The following GLIS3 variants were observed in gnomAD, a reference collection of about 807,000 sequenced individuals.
GLIS3 encodes the protein GLIS family zinc finger 3.
A neutral mutation model predicts 78.6 loss-of-function variants in GLIS3; 53 were observed. The observed-to-expected ratio is 0.67, with a 90% CI of 0.54 to 0.85. The LOEUF (loss-of-function observed/expected upper bound fraction) is 0.85. Among genes scored for constraint, GLIS3 ranks in the 40% least tolerant of loss-of-function variants. The probability of loss-of-function intolerance (pLI) is 0.00; values close to 1 mark genes in which losing one functional copy is unlikely to be tolerated. For missense variants in GLIS3, 1,703 were observed against 1,231.1 expected, an observed-to-expected ratio of 1.38 and a Z score of -5.74; for synonymous variants, 684 against 509.9, an observed-to-expected ratio of 1.34 and a Z score of -4.60.
chr9:4,364,114 C>T, the GLIS3 span, among the ~76,000 whole-genome samples: 1 of 152,160 alleles, frequency 6.6e-6, no homozygotes, highest in Non-Finnish European at 1.5e-5. Flanking sequence ...AAAGCCTGTC[C>T]TTCAGCTGAA....
chr9:4,397,627 A>G, the GLIS3 span, among the ~76,000 whole-genome samples: 10 of 144,056 alleles, frequency 6.9e-5, no homozygotes, highest in African/African-American at 1.4e-4. Context: ...ATAAAAGAAG[A>G]AAGGAAGGAA....
chr9:4,336,501 G>T (rs1817759670), intron 2 of GLIS3, among the ~76,000 whole-genome samples: 2 of 26,396 alleles, frequency 7.6e-5, no homozygotes, highest in South Asian at 2.9e-3. Flanking sequence ...ATGTGTCGGG[G>T]TGTTGATATC....
chr9:4,240,889 A>T (rs1204292400), intron 2 of GLIS3, among the ~76,000 whole-genome samples: 1 of 152,172 alleles, frequency 6.6e-6, no homozygotes, highest in Non-Finnish European at 1.5e-5. Flanking sequence ...ACTCCATATA[A>T]ATAAAAATTA....
At chr9:4,109,329 C>A (rs932805346) in intron 4 of GLIS3, among the ~76,000 whole-genome samples, 1 of 152,228 alleles carries the variant, frequency 6.6e-6, no homozygotes, top group Non-Finnish European at 1.5e-5. Context: ...TATGCAGCCT[C>A]TGTCCACATC....
chr9:4,229,532 C>T (rs1253131794), intron 2 of GLIS3, among the ~76,000 whole-genome samples: 1 of 152,148 alleles, frequency 6.6e-6, no homozygotes, highest in African/African-American at 2.4e-5. Flanking sequence ...CAGTGTTATC[C>T]TTAAACGTAA....
the GLIS3 span, among the ~76,000 whole-genome samples, chr9:4,410,989 T>C: frequency 3.0e-3 from 461 of 152,318 alleles, 2 homozygotes; most frequent in African/African-American, 0.011. Flanking sequence ...AGGGTTATAA[T>C]TCCTTATGTA....
At chr9:4,265,958 G>T (rs757630142) in intron 2 of GLIS3, among the ~76,000 whole-genome samples, 3 of 146,446 alleles carry the variant, frequency 2.0e-5, no homozygotes, top group Admixed American at 1.4e-4. Context: ...TCACTCTATC[G>T]CCCAGGCTGG....
rs146757387 is a variant in GLIS3, at chr9:4,149,960, AAG to A, written c.389-24021_389-24020del. 5.3e-3 allele frequency among the ~76,000 whole-genome samples: 810 copies of A among 152,366 alleles called. 8 individuals carry two copies. The highest frequency in any genetic ancestry group is 0.019 in the African/African-American group (784 of 41,584). ...GGGATTTACTAACTTTTTATTCACG[AAG>A]AGTCTTGAATGCGCACAGTTCATAC... is the stretch of plus-strand genomic sequence containing the variant. On this transcript the variant is annotated intron_variant, in intron 2 of 10. Coordinates refer to ENST00000381971, the MANE Select transcript of GLIS3 (RefSeq NM_001042413.2).
intron 6 of GLIS3, among the ~76,000 whole-genome samples, chr9:3,927,340 T>G (rs886194704): frequency 8.5e-5 from 13 of 152,194 alleles, no homozygotes; most frequent in African/African-American, 3.1e-4. Flanking sequence ...GCCAAATAAT[T>G]TTGAGCAACG....
chr9:4,341,399 G>C (rs1383694162), intron 2 of GLIS3, among the ~76,000 whole-genome samples: 2 of 152,206 alleles, frequency 1.3e-5, no homozygotes, highest in African/African-American at 4.8e-5. Context: ...AGGCTGATGT[G>C]CACACAGCTC....
chr9:4,114,208 G>C (rs1189463416), intron 4 of GLIS3, among the ~76,000 whole-genome samples: 1 of 152,098 alleles, frequency 6.6e-6, no homozygotes, highest in Non-Finnish European at 1.5e-5. Context: ...GCATGCCCAA[G>C]CTCATTCAGA....
At chr9:4,075,574 TCAAAACAAAA>T (rs903094255) in intron 4 of GLIS3, among the ~76,000 whole-genome samples, 2 of 152,012 alleles carry the variant, frequency 1.3e-5, no homozygotes, top group Non-Finnish European at 2.9e-5. Context: ...AGACTCCGTC[TCAAAACAAAA>T]CAAAACAAAA....
At chr9:3,973,150 T>C (rs892897976) in intron 4 of GLIS3, among the ~76,000 whole-genome samples, 1 of 152,194 alleles carries the variant, frequency 6.6e-6, no homozygotes, top group Non-Finnish European at 1.5e-5. Flanking sequence ...AGGGCAAGTC[T>C]GCTAGGGTTC....
chr9:3,923,929 G>A (rs891016103), intron 6 of GLIS3, among the ~76,000 whole-genome samples: 66 of 152,346 alleles, frequency 4.3e-4, no homozygotes, highest in African/African-American at 1.3e-3. Context: ...CTTGAGGTCA[G>A]TAAAAATCTA....
rs752385722 is a variant in GLIS3 at position 4,118,407 on chromosome 9, G to A, written c.1071C>T (p.Ser357=). The change falls in exon 4 of 11, where the codon AGC becomes AGT. Residue 357 remains serine, a synonymous_variant. Transcript: ENST00000381971. This position sits in a 1 kb window ranked among gnomAD's most constrained non-coding sequence, Gnocchi z 4.7. ...VYGHFLGVRG[S]CIPQPRPVPG... The stretch of plus-strand genomic sequence containing the variant: ...GCACCGGGCGCGGCTGGGGAATGCA[G>A]CTGCCGCGCACGCCCAGGAAATGCC... 1.4e-5 allele frequency: 22 copies of A among 1,606,916 alleles called. No individual in the cohort carries two copies. The South Asian group carries it at 1.9e-4, about 14-fold the overall frequency.
At chr9:4,377,648 G>A in the GLIS3 span, among the ~76,000 whole-genome samples, 4 of 152,046 alleles carry the variant, frequency 2.6e-5, no homozygotes, top group Non-Finnish European at 5.9e-5. Flanking sequence ...ATTCTATTAT[G>A]AAATGTAGGC....
At chr9:3,857,474 A>G (rs1415350223) in intron 8 of GLIS3, among the ~76,000 whole-genome samples, 1 of 152,250 alleles carries the variant, frequency 6.6e-6, no homozygotes, top group Non-Finnish European at 1.5e-5. Flanking sequence ...TGTAGCAGTA[A>G]GAAAGCATGG....
At chr9:4,298,310 A>G in intron 1 of GLIS3, 1 of 454,170 alleles carries the variant, frequency 2.2e-6, no homozygotes, top group Admixed American at 2.4e-5. Context: ...CTCGCCTCCC[A>G]AACACCTCCA....
At chr9:4,397,717 G>GAAAA in the GLIS3 span, among the ~76,000 whole-genome samples, 3 of 43,404 alleles carry the variant, frequency 6.9e-5, no homozygotes, top group Admixed American at 4.0e-4. Flanking sequence ...AGGCAGGGAG[G>GAAAA]GAGGGAGGGA....
Sources: allele counts gnomAD v4.1 joint callset (sites outside exome capture counted in the v4.1 genomes callset), GRCh38; gene constraint gnomAD v4.1.1; non-coding constraint Gnocchi (gnomAD v3.1); transcripts MANE v1.5; gene names NCBI Gene and HGNC (gene_info 2026-07-23, HGNC 2026-07-21).